Variants in UNC13B observed in about 807,000 individuals in gnomAD.
UNC13B encodes the protein unc-13 homolog B.
In UNC13B, 144 loss-of-function variants were observed where a neutral mutation model predicts 211.0. The observed-to-expected ratio is 0.68, with a 90% confidence interval of 0.60 to 0.78. The LOEUF (loss-of-function observed/expected upper bound fraction) is 0.78. Ranked by LOEUF, UNC13B falls within the 30% of genes least tolerant of loss-of-function variation. The probability of loss-of-function intolerance (pLI) is 0.00; values close to 1 mark genes in which losing one functional copy is unlikely to be tolerated. For missense variants in UNC13B, 1,777 were observed against 2,002.0 expected, an observed-to-expected ratio of 0.89 and a Z score of 2.14; for synonymous variants, 709 against 725.8, an observed-to-expected ratio of 0.98 and a Z score of 0.37.
intron 11 of UNC13B, among the ~76,000 whole-genome samples, chr9:35,366,061 G>A (rs1021959806): frequency 6.6e-6 from 1 of 152,044 alleles, no homozygotes; most frequent in South Asian, 2.1e-4. Context: ...CTCCCTTCTG[G>A]AGCTCATTTG....
chr9:35,351,939 C>A, intron 11 of UNC13B: 1 of 1,232,220 alleles, frequency 8.1e-7, no homozygotes, highest in Non-Finnish European at 1.0e-6. Flanking sequence ...CAGCGGGAAC[C>A]TTTGGGGGAT....
chr9:35,254,970 TTATATATTAATATATG>T (rs1181198866), intron 6 of UNC13B, among the ~76,000 whole-genome samples: 1 of 122,150 alleles, frequency 8.2e-6, no homozygotes, highest in Non-Finnish European at 1.6e-5. Context: ...ATATATTATA[TTATATATTAATATATG>T]TATATATTAT....
intron 11 of UNC13B, among the ~76,000 whole-genome samples, chr9:35,317,518 C>CTTTT (rs748345363): frequency 3.1e-5 from 3 of 97,660 alleles, no homozygotes; most frequent in Admixed American, 1.1e-4. Flanking sequence ...GCTAAAGAAG[C>CTTTT]TTTTTTTTTT....
At chr9:35,199,630 ATAAATGTCTTTTGAGAAG>A (rs1823161264) in intron 1 of UNC13B, among the ~76,000 whole-genome samples, 1 of 152,218 alleles carries the variant, frequency 6.6e-6, no homozygotes, top group African/African-American at 2.4e-5. Context: ...TGTTGGCTGC[ATAAATGTCTTTTGAGAAG>A]TGTCTGTTCA....
At chr9:35,256,711 C>T (rs1826899673) in intron 6 of UNC13B, among the ~76,000 whole-genome samples, 1 of 152,172 alleles carries the variant, frequency 6.6e-6, no homozygotes, top group African/African-American at 2.4e-5. Context: ...TATGCTAACA[C>T]ACATATGTGT....
At position 35,304,158 on chromosome 9, in the gene UNC13B, C is replaced by T. The variant is rs559033512; in HGVS notation, c.4754C>T (p.Ala1585Val). 12 of 398,632 alleles carry T rather than the reference C, an allele frequency of 3.0e-5. No individual in the cohort carries two copies. Among genetic ancestry groups the T allele is most frequent in the South Asian group, 1.3e-4 (1 of 7,838 alleles). The allele number at this position is 398,632 out of a possible 1,614,324, so 24.7% of individuals were successfully genotyped here. ...ACGTTGGATGACAGCATTATTTCTG[C>T]CTGTAGTTTTAAAGTACTTGATAAG... ...SITLDDSIIS[A>V]CSFKVLDKED... The change falls in exon 9 of 40, where the codon GCC becomes GTC. Residue 1585 changes from alanine to valine, a missense_variant. Ala to Val is a moderately conservative substitution (Grantham distance 64). Coordinates refer to ENST00000635942, the MANE Select transcript of UNC13B (RefSeq NM_001371189.2).
chr9:35,390,793 C>T (rs1345482497), intron 26 of UNC13B, 79 bp downstream of exon 26: 20 of 1,374,558 alleles, frequency 1.5e-5, no homozygotes, highest in Admixed American at 2.1e-5. Context: ...CTCTTCTAGA[C>T]AACTACAAGT....
At chr9:35,358,993 C>T (rs1048153473) in intron 11 of UNC13B, among the ~76,000 whole-genome samples, 2 of 152,016 alleles carry the variant, frequency 1.3e-5, no homozygotes, top group Non-Finnish European at 2.9e-5. Context: ...AGCCACCACG[C>T]CCAGCCAGTT....
rs1472629575 is a variant in UNC13B, at chr9:35,397,065, AG to A, written c.11533-99del. 11 of 1,599,464 alleles carry A rather than the reference AG, an allele frequency of 6.9e-6. No homozygotes were observed. The African/African-American group carries it at 1.5e-4, about 21-fold the overall frequency. ...TGTGGAGTTCACAGGAGGGCTGTTG[AG>A]GGCCATTAGCCACTCTTGCTGGTCA... On this transcript the variant is annotated intron_variant, in intron 28 of 39. Coordinates refer to ENST00000635942, the MANE Select transcript of UNC13B (RefSeq NM_001371189.2).
rs1187354299 is a variant in UNC13B at position 35,370,319 on chromosome 9, C to T, written c.9463C>T (p.Pro3155Ser). ...PSLPQWLPEG[P>S]AGGLYGIDSM... The stretch of plus-strand genomic sequence containing the variant: ...TGACATATTTTCTTCTCTCCTCAGG[C>T]CAGCCGGAGGGCTCTATGGCATTGA... Residue 3155 changes from proline (P) to serine (S), a missense_variant and splice_region_variant, in exon 13 of 40, where the codon CCA (proline) becomes TCA (serine). Physicochemically the swap from Pro to Ser is moderately conservative, Grantham distance 74. Coordinates refer to ENST00000635942, the MANE Select transcript of UNC13B (RefSeq NM_001371189.2). 1 of 1,613,798 alleles carries T rather than the reference C, an allele frequency of 6.2e-7. No homozygotes were observed. Among genetic ancestry groups the T allele is most frequent in the Admixed American group, 1.7e-5 (1 of 60,000 alleles).
At chr9:35,236,020 A>G (rs1825486506) in intron 3 of UNC13B, among the ~76,000 whole-genome samples, 1 of 122,478 alleles carries the variant, frequency 8.2e-6, no homozygotes, top group Admixed American at 1.0e-4. Flanking sequence ...ATTGGGATAT[A>G]AGAAACTGTA....
chr9:35,384,653 A>G, intron 22 of UNC13B: 1 of 985,460 alleles, frequency 1.0e-6, no homozygotes, highest in Non-Finnish European at 1.2e-6. Context: ...ATACCTAATT[A>G]CATTTCTTTT....
chr9:35,237,573 T>C (rs1825583364), intron 4 of UNC13B, 130 bp from the exon 5 acceptor site: 1 of 1,126,472 alleles, frequency 8.9e-7, no homozygotes, highest in African/African-American at 1.6e-5. Flanking sequence ...GATAGTGGTG[T>C]GTTTGCCTTA....
intron 4 of UNC13B, among the ~76,000 whole-genome samples, chr9:35,237,483 CT>C: frequency 6.6e-6 from 1 of 152,226 alleles, no homozygotes; most frequent in Middle Eastern, 3.4e-3. Context: ...CTCGTTAGAC[CT>C]GCAGAGCTGA....
chr9:35,183,033 G>A (rs547343448), intron 1 of UNC13B, among the ~76,000 whole-genome samples: 224 of 150,260 alleles, frequency 1.5e-3, no homozygotes, highest in Admixed American at 2.9e-3. Context: ...CCTGGCAGAG[G>A]CGCTCCTCAC....
At chr9:35,218,844 G>A (rs1289910816) in intron 1 of UNC13B, among the ~76,000 whole-genome samples, 1 of 151,840 alleles carries the variant, frequency 6.6e-6, no homozygotes, top group East Asian at 1.9e-4. Context: ...CTGCTTCCCG[G>A]GTTCAAGTGA....
chr9:35,364,972 G>T (rs1833682796), intron 11 of UNC13B, among the ~76,000 whole-genome samples: 1 of 152,222 alleles, frequency 6.6e-6, no homozygotes, highest in African/African-American at 2.4e-5. Flanking sequence ...GCTGAGCCCA[G>T]CACGCATGTG....
chr9:35,358,421 C>A (rs1290530515), intron 11 of UNC13B, among the ~76,000 whole-genome samples: 1 of 152,186 alleles, frequency 6.6e-6, no homozygotes, highest in East Asian at 1.9e-4. Flanking sequence ...ACCATCAGGG[C>A]ACAAGGGTTC....
chr9:35,168,662 C>T (rs1344108161), intron 1 of UNC13B, among the ~76,000 whole-genome samples: 1 of 146,954 alleles, frequency 6.8e-6, no homozygotes, highest in African/African-American at 2.5e-5. Flanking sequence ...ACTTTTCTTT[C>T]TTATTTGTAT....
Sources: allele counts gnomAD v4.1 joint callset (sites outside exome capture counted in the v4.1 genomes callset), GRCh38; gene constraint gnomAD v4.1.1; transcripts MANE v1.5; gene names NCBI Gene and HGNC (gene_info 2026-07-23, HGNC 2026-07-21).